The following WHRN variants were observed in gnomAD, a reference collection of about 807,000 sequenced individuals.
WHRN encodes the protein CASK-interacting protein CIP98.
A neutral mutation model predicts 68.3 loss-of-function variants in WHRN; 41 were observed. The ratio of observed to expected loss-of-function variants is 0.60; its 90% CI spans 0.47 to 0.78. The LOEUF (loss-of-function observed/expected upper bound fraction) is 0.78, where lower values mean the gene tolerates loss of function less well. WHRN is among the 30% of genes least tolerant of loss of function. The pLI, the probability that WHRN is intolerant of heterozygous loss-of-function variation, is 0.00. For missense variants in WHRN, 1,243 were observed against 1,244.7 expected, an observed-to-expected ratio of 1.00 and a Z score of 0.02; for synonymous variants, 560 against 561.3, an observed-to-expected ratio of 1.00 and a Z score of 0.03.
intron 3 of WHRN, among the ~76,000 whole-genome samples, chr9:114,463,370 C>T (rs1840402580): frequency 6.6e-6 from 1 of 152,208 alleles, no homozygotes. Context: ...CAGTCTCCTC[C>T]ACCTATTCAA....
At chr9:114,413,587 G>A (rs1463053219) in intron 7 of WHRN, among the ~76,000 whole-genome samples, 1 of 152,186 alleles carries the variant, frequency 6.6e-6, no homozygotes, top group East Asian at 1.9e-4. Context: ...CACAGGGTAG[G>A]GGTGTAAGTC....
At chr9:114,423,579 A>C in intron 6 of WHRN, 56 bp from the exon 7 acceptor site, 1 of 1,521,808 alleles carries the variant, frequency 6.6e-7, no homozygotes. Flanking sequence ...AAGGTGGAAC[A>C]GGGGCCCTGC....
At chr9:114,457,126 A>G (rs959667931) in intron 3 of WHRN, among the ~76,000 whole-genome samples, 1 of 152,154 alleles carries the variant, frequency 6.6e-6, no homozygotes, top group African/African-American at 2.4e-5. Context: ...TCCTCTATCC[A>G]TTGAGAAGGA....
At chr9:114,470,142 A>G (rs1378241582) in intron 2 of WHRN, among the ~76,000 whole-genome samples, 1 of 152,188 alleles carries the variant, frequency 6.6e-6, no homozygotes, top group Non-Finnish European at 1.5e-5. Context: ...GAGGAGGTGG[A>G]TACCTTCAGA....
At chr9:114,406,305 A>C (rs773411742) in intron 9 of WHRN, 50 bp downstream of exon 9, 1 of 1,610,560 alleles carries the variant, frequency 6.2e-7, no homozygotes, top group Non-Finnish European at 8.5e-7. Context: ...ACTGACCTGA[A>C]GAGGACAGGG....
At chr9:114,495,975 T>C (rs1459631541) in intron 1 of WHRN, among the ~76,000 whole-genome samples, 1 of 152,230 alleles carries the variant, frequency 6.6e-6, no homozygotes, top group Non-Finnish European at 1.5e-5. Context: ...ACCACGTTTC[T>C]TTTCTTAATC....
intron 3 of WHRN, among the ~76,000 whole-genome samples, chr9:114,430,838 T>C (rs1318016408): frequency 6.6e-6 from 1 of 152,230 alleles, no homozygotes; most frequent in Non-Finnish European, 1.5e-5. Flanking sequence ...CTCCTGTCTC[T>C]TCTTCCTCCA....
chr9:114,407,384 T>C (rs1255236678), intron 8 of WHRN, among the ~76,000 whole-genome samples: 2 of 151,966 alleles, frequency 1.3e-5, no homozygotes, highest in Non-Finnish European at 2.9e-5. Context: ...CTCTGGGCAA[T>C]GGGGAAAAGC....
intron 6 of WHRN, among the ~76,000 whole-genome samples, chr9:114,423,921 A>G (rs1166241445): frequency 2.6e-5 from 4 of 152,088 alleles, no homozygotes; most frequent in Non-Finnish European, 4.4e-5. Context: ...TCCTTTGTAC[A>G]GTTTCTGGAC....
intron 3 of WHRN, among the ~76,000 whole-genome samples, chr9:114,429,742 G>A (rs892881230): frequency 6.6e-6 from 1 of 152,076 alleles, no homozygotes. Context: ...TCCCTATCTC[G>A]CCTCTGCAGC....
chr9:114,489,795 G>A (rs974341333), intron 1 of WHRN, among the ~76,000 whole-genome samples: 5 of 152,204 alleles, frequency 3.3e-5, no homozygotes, highest in African/African-American at 1.2e-4. Context: ...TGCAGCTGGA[G>A]ATGGAGATCC....
At chr9:114,491,855 CT>C in intron 1 of WHRN, 1 of 264,886 alleles carries the variant, frequency 3.8e-6, no homozygotes, top group Non-Finnish European at 7.5e-6. Flanking sequence ...GATGGCTTCC[CT>C]TTGCCCTGAG....
chr9:114,501,500 T>C (rs1013095137), intron 1 of WHRN, among the ~76,000 whole-genome samples: 1 of 152,032 alleles, frequency 6.6e-6, no homozygotes, highest in African/African-American at 2.4e-5. Context: ...CCTTTATTCA[T>C]AAATTATTAG....
intron 3 of WHRN, among the ~76,000 whole-genome samples, chr9:114,451,344 A>T (rs1481998679): frequency 6.6e-6 from 1 of 152,120 alleles, no homozygotes; most frequent in African/African-American, 2.4e-5. Context: ...CAAGCTGCTT[A>T]ATCTCATTGA....
chr9:114,466,665 G>A (rs1177257852), intron 2 of WHRN, among the ~76,000 whole-genome samples: 11 of 152,092 alleles, frequency 7.2e-5, no homozygotes, highest in Non-Finnish European at 5.9e-5. Context: ...GATGGCCTCC[G>A]GGATCCCCTC....
Position 114,402,605 on chromosome 9 carries a change from TG to T in WHRN, c.*148del. ...TCCTGCTCTCTTCCTCTCCCAGTTC[TG>T]GTCCAGTGGGCTGGGATGGAGGGGG... On this transcript the variant is annotated 3_prime_UTR_variant, in exon 12 of 12. Coordinates refer to ENST00000362057, the MANE Select transcript of WHRN (RefSeq NM_015404.4). The T allele has an allele frequency of 3.1e-6, 3 of 975,690 alleles. No individual in the cohort carries two copies. The highest frequency in any genetic ancestry group is 4.8e-6 in the Non-Finnish European group (3 of 621,144). The allele number at this position is 975,690 out of a possible 1,614,324, so 60.4% of individuals were successfully genotyped here. A position where few individuals can be genotyped will look rare whatever the true frequency, so the allele number is the denominator to read the frequency against.
chr9:114,471,696 A>T (rs1244986605), intron 2 of WHRN, among the ~76,000 whole-genome samples: 4 of 152,298 alleles, frequency 2.6e-5, no homozygotes, highest in Admixed American at 2.0e-4. Flanking sequence ...AGGAGATGAC[A>T]CCAGCCTAGG....
rs562609273 is a variant in WHRN at position 114,435,080 on chromosome 9, C to T, written c.964-8667G>A. Among the ~76,000 whole-genome samples the T allele has an allele frequency of 2.3e-4, 35 of 152,288 alleles. 1 individual carries two copies. Among genetic ancestry groups the T allele is most frequent in the Non-Finnish European group, 4.3e-4 (29 of 68,034 alleles). On this transcript the variant is annotated intron_variant, in intron 3 of 11. Transcript: ENST00000362057. ...AACGTCCAGGTCTTGGCTCCAATGA[C>T]ACCTCCTCCAAGAAGCCTTCTCCAG... is the stretch of plus-strand genomic sequence containing the variant.
chr9:114,440,255 T>C (rs548060070), intron 3 of WHRN, among the ~76,000 whole-genome samples: 3 of 152,210 alleles, frequency 2.0e-5, no homozygotes, highest in African/African-American at 7.2e-5. Context: ...ATTTTTTTTT[T>C]GAGATGGAGT....
Sources: gnomAD v4.1 joint callset for allele counts (sites outside exome capture counted in the v4.1 genomes callset) on GRCh38, gnomAD v4.1.1 for gene constraint, MANE v1.5 for transcripts, NCBI Gene and HGNC (gene_info 2026-07-23, HGNC 2026-07-21) for gene names.